The following MADD variants were observed in gnomAD, a reference collection of about 807,000 sequenced individuals.
MADD encodes MAP kinase-activating death domain protein.
Under a neutral mutation model 176.7 loss-of-function variants are expected in MADD, and 109 were observed. The observed-to-expected ratio is 0.62, with a 90% CI of 0.53 to 0.72. The LOEUF is 0.72. MADD is among the 30% of genes least tolerant of loss of function. MADD has a pLI of 0.00. For missense variants in MADD, 1,914 were observed against 2,045.5 expected, an observed-to-expected ratio of 0.94 and a Z score of 1.24; for synonymous variants, 771 against 771.3, an observed-to-expected ratio of 1.00 and a Z score of 0.01.
chr11:47,311,285 GTGGAATT>G (rs200416580), intron 25 of MADD, among the ~76,000 whole-genome samples: 2,564 of 150,324 alleles, frequency 0.017, 23 homozygotes, highest in Middle Eastern at 0.037. Context: ...ACTGTACTCT[GTGGAATT>G]TGGAGGGTAC....
At chr11:47,278,879 A>C in intron 6 of MADD, 120 bp from the exon 7 acceptor site, 1 of 727,292 alleles carries the variant, frequency 1.4e-6, no homozygotes. Context: ...GTGCAGTTAT[A>C]TAATGTATAT....
intron 15 of MADD, among the ~76,000 whole-genome samples, chr11:47,287,620 G>T (rs2061644432): frequency 6.6e-6 from 1 of 152,012 alleles, no homozygotes; most frequent in Admixed American, 6.6e-5. Flanking sequence ...ATGTTGGCCA[G>T]GCTGGTCTTG....
intron 5 of MADD, 87 bp from the exon 6 acceptor site, chr11:47,278,078 C>A: frequency 1.2e-6 from 1 of 869,090 alleles, no homozygotes; most frequent in Non-Finnish European, 1.9e-6. Context: ...ATTGTATCTG[C>A]ATTTCCTTAT....
At chr11:47,324,540 C>A in exon 30 of MADD, 1 of 1,613,954 alleles carries the variant, frequency 6.2e-7, no homozygotes, top group Non-Finnish European at 8.5e-7. Flanking sequence ...CTGCAGGTGA[C>A]CCTGGAAGGG....
At chr11:47,270,782 C>T (rs1438756052) in intron 1 of MADD, 2 of 152,382 alleles carry the variant, frequency 1.3e-5, no homozygotes, top group Admixed American at 1.3e-4. Flanking sequence ...CCACCTTTCC[C>T]TGCCCTCCCC....
intron 32 of MADD, 148 bp downstream of exon 36, chr11:47,328,852 G>T: frequency 1.8e-6 from 2 of 1,103,210 alleles, no homozygotes; most frequent in Middle Eastern, 4.7e-4. Flanking sequence ...GCTGAAACAG[G>T]TCTTGAGCCC....
intron 7 of MADD, among the ~76,000 whole-genome samples, 171 bp downstream of exon 7, chr11:47,279,250 T>C (rs1591944654): frequency 6.6e-6 from 1 of 152,290 alleles, no homozygotes; most frequent in Middle Eastern, 3.4e-3. Context: ...CAGAGTGAAT[T>C]TCTGTTTTTG....
intron 22 of MADD, among the ~76,000 whole-genome samples, chr11:47,297,852 G>C (rs189852504): frequency 6.9e-6 from 1 of 144,792 alleles, no homozygotes; most frequent in Admixed American, 7.0e-5. Context: ...GCAGTGGCGC[G>C]ATCTCTGCTC....
exon 26 of MADD, chr11:47,311,767 C>G (rs1357572202): frequency 6.2e-7 from 1 of 1,613,854 alleles, no homozygotes; most frequent in Admixed American, 1.7e-5. Context: ...AGGTGAGGCG[C>G]CTAATGGGAA....
exon 17 of MADD, chr11:47,289,933 C>T (rs2063788978): frequency 7.4e-6 from 12 of 1,614,074 alleles, no homozygotes; most frequent in Non-Finnish European, 9.3e-6. Flanking sequence ...TTGGCTGGCT[C>T]AACATGAAAA....
At chr11:47,275,031 G>T (rs1158971074) in exon 3 of MADD, 1 of 1,614,116 alleles carries the variant, frequency 6.2e-7, no homozygotes, top group African/African-American at 1.3e-5. Context: ...TCACGTCCCT[G>T]TGCGTGCTCA....
intron 14 of MADD, 72 bp downstream of exon 14, chr11:47,285,662 T>C (rs2060082721): frequency 1.3e-6 from 2 of 1,597,292 alleles, no homozygotes; most frequent in Admixed American, 3.4e-5. Flanking sequence ...CTATGGCAAA[T>C]GTTGCTTAGA....
At chr11:47,317,807 A>G (rs557416321) in intron 27 of MADD, among the ~76,000 whole-genome samples, 222 of 150,442 alleles carry the variant, frequency 1.5e-3, no homozygotes, top group African/African-American at 5.0e-3. Flanking sequence ...GTCTCTCTCT[A>G]TCGCCCAGGC....
At chr11:47,289,096 G>A (rs990230610) in intron 15 of MADD, 69 bp downstream of exon 16, 3 of 1,439,826 alleles carry the variant, frequency 2.1e-6, no homozygotes, top group South Asian at 2.6e-5. Context: ...CTGCCCGAGG[G>A]CCATCCTTCT....
At position 47,293,999 on chromosome 11, in the gene MADD, G is replaced by T; in HGVS notation, c.3402+16G>T. ...TAGTTCCCAGGTTTGTGACAACCTT[G>T]TTGAAATTTGCAAGTATTAAATATG... is the stretch of plus-strand genomic sequence containing the variant. On this transcript the variant is annotated intron_variant, in intron 20 of 32. Transcript: ENST00000402192. 1 of 1,594,266 alleles carries T rather than the reference G, an allele frequency of 6.3e-7. No individual in the cohort carries two copies. Among genetic ancestry groups the T allele is most frequent in the Non-Finnish European group, 8.6e-7 (1 of 1,162,066 alleles).
At chr11:47,273,964 T>C in exon 2 of MADD, 1 of 1,614,062 alleles carries the variant, frequency 6.2e-7, no homozygotes, top group South Asian at 1.1e-5. Flanking sequence ...TATCTAGTGA[T>C]CGTAGGGGCC....
chr11:47,284,344 G>A (rs1362199338), intron 11 of MADD, 31 bp from the exon 12 acceptor site: 2 of 1,613,966 alleles, frequency 1.2e-6, no homozygotes, highest in Admixed American at 1.7e-5. Context: ...GGATGGAGTG[G>A]TCTGTACCTG....
At position 47,284,297 on chromosome 11, in the gene MADD, G is replaced by A; in HGVS notation, c.1966+16G>A. 6.2e-7 allele frequency: 1 copy of A among 1,613,698 alleles called. No individual in the cohort carries two copies. The highest frequency in any genetic ancestry group is 1.1e-5 in the South Asian group (1 of 91,066). On this transcript the variant is annotated intron_variant, in intron 11 of 32. Coordinates refer to ENST00000402192, the Ensembl canonical transcript of MADD. ...GATACTCCCAGTAAGTGTGCTTGGG[G>A]AGATTGGCCAGCCCTGGGCAGGGGT... is the stretch of plus-strand genomic sequence containing the variant.
chr11:47,284,803 C>T (rs565351305), intron 12 of MADD, 138 bp from the exon 13 acceptor site: 77 of 1,309,684 alleles, frequency 5.9e-5, no homozygotes, highest in African/African-American at 5.6e-4. Context: ...GGACAGAGAA[C>T]GGGTGCTACA....
Sources: allele counts gnomAD v4.1 joint callset (sites outside exome capture counted in the v4.1 genomes callset), GRCh38; gene constraint gnomAD v4.1.1; transcripts MANE v1.5; gene names NCBI Gene and HGNC (gene_info 2026-07-23, HGNC 2026-07-21).